The following CPXM2 variants were observed in gnomAD, a reference collection of about 807,000 sequenced individuals.
CPXM2 encodes the protein inactive carboxypeptidase-like protein X2.
Under a neutral mutation model 86.1 loss-of-function variants are expected in CPXM2, and 66 were observed. The ratio of observed to expected loss-of-function variants is 0.77; its 90% CI spans 0.63 to 0.94. The LOEUF is 0.94. Ranked by LOEUF, CPXM2 falls within the 40% of genes least tolerant of loss-of-function variation. The probability of loss-of-function intolerance (pLI) is 0.00; values close to 1 mark genes in which losing one functional copy is unlikely to be tolerated. For synonymous variants in CPXM2, 388 were observed against 400.2 expected, an observed-to-expected ratio of 0.97 and a Z score of 0.36; for missense variants, 948 against 1,026.3, an observed-to-expected ratio of 0.92 and a Z score of 1.04.
intron 4 of CPXM2, among the ~76,000 whole-genome samples, chr10:123,832,094 T>A (rs950566416): frequency 3.9e-5 from 6 of 152,278 alleles, no homozygotes; most frequent in African/African-American, 1.4e-4. Context: ...ACTATGGTGG[T>A]ATAAAGATGA....
At chr10:123,780,293 A>T (rs770112460) in intron 6 of CPXM2, 38 bp from the exon 7 acceptor site, 10 of 1,243,826 alleles carry the variant, frequency 8.0e-6, no homozygotes, top group Non-Finnish European at 9.5e-6. Context: ...TACTCCCATC[A>T]TTCTATCTCC....
At chr10:123,793,128 C>T (rs2134056367) in intron 6 of CPXM2, among the ~76,000 whole-genome samples, 1 of 152,288 alleles carries the variant, frequency 6.6e-6, no homozygotes, top group East Asian at 1.9e-4. Context: ...AACCATAGAA[C>T]ATCTGCACGG....
intron 3 of CPXM2, among the ~76,000 whole-genome samples, chr10:123,859,067 T>C (rs953931170): frequency 2.0e-5 from 3 of 152,094 alleles, no homozygotes; most frequent in African/African-American, 7.2e-5. Flanking sequence ...GCCCCATACC[T>C]TCCAGCCTGG....
rs572484649 is a variant in CPXM2, at chr10:123,785,499, G to A, written c.890-5244C>T. Among the ~76,000 whole-genome samples the A allele has an allele frequency of 8.5e-5, 13 of 152,290 alleles. No individual in the cohort carries two copies. The East Asian group carries it at 2.5e-3, about 29-fold the overall frequency. ...ACTGTCCTGGTTTTAAACAGAAAGTGTCGTGTCGTTGGAACCCCTCAGTCC... is the reference window on the plus strand; with the variant it reads ...ACTGTCCTGGTTTTAAACAGAAAGTATCGTGTCGTTGGAACCCCTCAGTCC... On this transcript the variant is annotated intron_variant, in intron 6 of 13. Coordinates refer to ENST00000241305, the MANE Select transcript of CPXM2 (RefSeq NM_198148.3).
intron 4 of CPXM2, among the ~76,000 whole-genome samples, chr10:123,838,390 G>A (rs143681867): frequency 4.5e-4 from 68 of 152,296 alleles, no homozygotes; most frequent in Middle Eastern, 6.8e-3. Flanking sequence ...GGAGGTGGAG[G>A]TTGCAGTGAG....
chr10:123,813,216 T>C (rs1847733143), intron 4 of CPXM2, among the ~76,000 whole-genome samples: 1 of 152,244 alleles, frequency 6.6e-6, no homozygotes, highest in Admixed American at 6.5e-5. Context: ...AGAGCAACTG[T>C]ATTAACATTT....
At chr10:123,912,196 C>T (rs950500558) in intron 2 of CPXM2, among the ~76,000 whole-genome samples, 3 of 151,678 alleles carry the variant, frequency 2.0e-5, no homozygotes, top group Non-Finnish European at 2.9e-5. Flanking sequence ...TCCCTGGCAG[C>T]GCCTGTGACC....
chr10:123,891,707 C>T lies in CPXM2; in HGVS notation c.-48G>A. 1.5e-6 allele frequency: 2 copies of T among 1,293,764 alleles called. No individual in the cohort carries two copies. The highest frequency in any genetic ancestry group is 9.8e-7 in the Non-Finnish European group (1 of 1,016,210). The allele number at this position is 1,293,764 out of a possible 1,614,324, so 80.1% of individuals were successfully genotyped here. ...GGCAGGGTCACGGTCACCGGGGGCG[C>T]CGGGCGGGCTGCGGGCGCAGAAGCT... On this transcript the variant is annotated 5_prime_UTR_variant, in exon 1 of 14. Transcript: ENST00000241305. The surrounding 1 kb of genome is among the most constrained non-coding windows in gnomAD (Gnocchi z 5.6).
At position 123,746,535 on chromosome 10, in the gene CPXM2, A is replaced by T; in HGVS notation, c.*229T>A. 1.8e-6 allele frequency: 1 copy of T among 566,450 alleles called. No homozygotes were observed. Among genetic ancestry groups the T allele is most frequent in the Non-Finnish European group, 3.1e-6 (1 of 321,196 alleles). 35.1% of individuals were successfully genotyped at this position (566,450 alleles called of 1,614,324 possible). ...CTTGCTGAGTTCTCTCACTCCCATC[A>T]GCTTTTCTCTGCTGCTCTGTCCAAG... is the stretch of plus-strand genomic sequence containing the variant. On this transcript the variant is annotated 3_prime_UTR_variant, in exon 14 of 14. Transcript: ENST00000241305.
chr10:123,791,658 G>A (rs1847209870), intron 6 of CPXM2, among the ~76,000 whole-genome samples: 1 of 152,228 alleles, frequency 6.6e-6, no homozygotes, highest in Non-Finnish European at 1.5e-5. Flanking sequence ...CCCTCATCCA[G>A]TATGACCTCC....
At chr10:123,853,773 C>T (rs1848649591) in intron 3 of CPXM2, among the ~76,000 whole-genome samples, 1 of 152,074 alleles carries the variant, frequency 6.6e-6, no homozygotes, top group South Asian at 2.1e-4. Context: ...GGCATGGTGG[C>T]ACGTGCCTGT....
At chr10:123,881,107 G>C (rs183457057) in intron 1 of CPXM2, among the ~76,000 whole-genome samples, 3 of 151,652 alleles carry the variant, frequency 2.0e-5, no homozygotes, top group African/African-American at 7.3e-5. Context: ...TGGCCCCTTG[G>C]CTCCTTTTCA....
At chr10:123,858,186 CAT>C (rs1418620153) in intron 3 of CPXM2, among the ~76,000 whole-genome samples, 1 of 152,222 alleles carries the variant, frequency 6.6e-6, no homozygotes, top group Non-Finnish European at 1.5e-5. Flanking sequence ...TAGAAAAACA[CAT>C]GTGACAGCAG....
intron 2 of CPXM2, among the ~76,000 whole-genome samples, chr10:123,919,998 C>G (rs1945568123): frequency 6.6e-6 from 1 of 152,130 alleles, no homozygotes; most frequent in Admixed American, 6.5e-5. Flanking sequence ...AGGACAGCAC[C>G]AAGCCTTTCA....
intron 13 of CPXM2, chr10:123,752,123 T>C (rs1051423624): frequency 3.0e-6 from 3 of 985,460 alleles, no homozygotes; most frequent in Middle Eastern, 5.2e-4. Flanking sequence ...ATGTTTAAAA[T>C]ACAAATCCTA....
chr10:123,913,877 AC>A (rs1945511494), intron 2 of CPXM2: 20 of 402,980 alleles, frequency 5.0e-5, no homozygotes, highest in South Asian at 3.1e-4. Context: ...CTCAGGAGGC[AC>A]CCCCCTCCCA....
chr10:123,849,697 G>A (rs1848563313), intron 3 of CPXM2, among the ~76,000 whole-genome samples: 1 of 152,182 alleles, frequency 6.6e-6, no homozygotes, highest in Admixed American at 6.5e-5. Context: ...ACAGGTGTGA[G>A]CCACCGTGCC....
At chr10:123,842,197 C>T (rs541055728) in intron 4 of CPXM2, 152 bp downstream of exon 4, 10 of 1,010,046 alleles carry the variant, frequency 9.9e-6, no homozygotes, top group East Asian at 4.9e-5. Flanking sequence ...GTGTCGACAA[C>T]GAGCCCAGCC....
In CPXM2 at chr10:123,762,247, C is replaced by T. The variant is rs541273762; in HGVS notation, c.1480-78G>A. On this transcript the variant is annotated intron_variant, in intron 10 of 13. Coordinates refer to ENST00000241305, the MANE Select transcript of CPXM2 (RefSeq NM_198148.3). Reference sequence around the variant, plus strand: ...CCCAGCTGTCAAACAGGGACATAGTCGAAAAAGCAGTGCTTTTGTGGAATA... The same window carrying T: ...CCCAGCTGTCAAACAGGGACATAGTTGAAAAAGCAGTGCTTTTGTGGAATA... The T allele has an allele frequency of 7.6e-5, 121 of 1,585,548 alleles. 1 individual carries two copies. The African/African-American group carries it at 1.0e-3, about 13-fold the overall frequency.
Sources: allele counts gnomAD v4.1 joint callset (sites outside exome capture counted in the v4.1 genomes callset), GRCh38; gene constraint gnomAD v4.1.1; non-coding constraint Gnocchi (gnomAD v3.1); transcripts MANE v1.5; gene names NCBI Gene and HGNC (gene_info 2026-07-23, HGNC 2026-07-21).